SLC7A11: variants seen among roughly 807,000 people sequenced by gnomAD.
SLC7A11 encodes cystine/glutamate transporter.
In SLC7A11, 35 loss-of-function variants were observed where a neutral mutation model predicts 54.5. The ratio of observed to expected loss-of-function variants is 0.64; its 90% CI spans 0.49 to 0.85. The LOEUF (loss-of-function observed/expected upper bound fraction) is 0.85. Ranked by LOEUF, SLC7A11 falls within the 40% of genes least tolerant of loss-of-function variation. The pLI, the probability that SLC7A11 is intolerant of heterozygous loss-of-function variation, is 0.00. For missense variants in SLC7A11, 583 were observed against 618.1 expected, an observed-to-expected ratio of 0.94 and a Z score of 0.60; for synonymous variants, 230 against 225.2, an observed-to-expected ratio of 1.02 and a Z score of -0.19.
chr4:138,237,047 G>A (rs1302105009), intron 1 of SLC7A11, among the ~76,000 whole-genome samples: 3 of 143,926 alleles, frequency 2.1e-5, no homozygotes, highest in South Asian at 2.2e-4. Context: ...GTGCAGTGGC[G>A]CGATCTCGGC....
chr4:138,228,291 CG>C (rs760461735), intron 3 of SLC7A11, among the ~76,000 whole-genome samples: 2 of 151,452 alleles, frequency 1.3e-5, no homozygotes, highest in Non-Finnish European at 2.9e-5. Flanking sequence ...GACTAGATCT[CG>C]TATCTTAAGG....
intron 4 of SLC7A11, among the ~76,000 whole-genome samples, chr4:138,221,534 C>T (rs759428342): frequency 2.6e-4 from 39 of 152,066 alleles, no homozygotes; most frequent in Non-Finnish European, 3.4e-4. Context: ...ACATTAAATG[C>T]GGTAATATTC....
At chr4:138,238,605 T>A (rs1738299554) in intron 1 of SLC7A11, among the ~76,000 whole-genome samples, 1 of 152,034 alleles carries the variant, frequency 6.6e-6, no homozygotes, top group Admixed American at 6.6e-5. Flanking sequence ...ATTTTTTTTT[T>A]TTTTTAATTT....
At chr4:138,214,468 T>C (rs1737631531) in intron 6 of SLC7A11, 117 bp downstream of exon 6, 1 of 495,318 alleles carries the variant, frequency 2.0e-6, no homozygotes, top group Non-Finnish European at 3.7e-6. Context: ...GTGATGATGA[T>C]GACGATGTTA....
chr4:138,233,239 T>G (rs1051601358), intron 2 of SLC7A11, among the ~76,000 whole-genome samples: 1 of 151,150 alleles, frequency 6.6e-6, no homozygotes, highest in Admixed American at 6.6e-5. Flanking sequence ...GGCTGGAGTG[T>G]AGTGGCACGA....
rs777074826 is a variant in SLC7A11, at chr4:138,182,378, C to T, written c.1035G>A (p.Ala345=). 26 of 1,606,940 alleles carry T rather than the reference C, an allele frequency of 1.6e-5. No homozygotes were observed. Among genetic ancestry groups the T allele is most frequent in the Middle Eastern group, 1.7e-4 (1 of 6,054 alleles). The change falls in exon 9 of 12, where the codon GCG becomes GCA. Residue 345 remains alanine (A), a synonymous_variant. Transcript: ENST00000280612. ...TTTCTGGAAGGTGACCCTCTCGAGA[C>T]GCAACATAGAATAACCTGATGGGAG... ...VFAVSRLFYV[A]SREGHLPEIL...
rs141122045 is a variant in SLC7A11, at chr4:138,171,965, A to T, written c.1497T>A (p.Asp499Glu). Residue 499 changes from aspartate (D) to glutamate (E), a missense_variant, in exon 12 of 12, where the codon GAT becomes GAA. Coordinates refer to ENST00000280612, the MANE Select transcript of SLC7A11 (RefSeq NM_014331.4). ...TCTCAAGTCCATTAGTTCATAACTT[A>T]TCTTCTTCTGGTACAACTTCCAGTA... ...QIILEVVPEE[D>E]KL 1.8e-3 allele frequency: 2,820 copies of T among 1,596,336 alleles called. 4 individuals carry two copies. Among genetic ancestry groups the T allele is most frequent in the Non-Finnish European group, 2.3e-3 (2,645 of 1,174,276 alleles).
intron 8 of SLC7A11, among the ~76,000 whole-genome samples, chr4:138,182,721 CAACA>C (rs1736777875): frequency 1.3e-5 from 2 of 151,956 alleles, no homozygotes; most frequent in Admixed American, 1.3e-4. Flanking sequence ...CAATCCAATT[CAACA>C]AACACACACA....
chr4:138,228,758 C>CAAAAAAAAA (rs5862371), intron 3 of SLC7A11, among the ~76,000 whole-genome samples: 13 of 67,768 alleles, frequency 1.9e-4, no homozygotes, highest in African/African-American at 4.2e-4. Context: ...GACTCCGTCT[C>CAAAAAAAAA]AAAAAAAAAA....
chr4:138,201,551 T>C (rs1345215362), intron 6 of SLC7A11, among the ~76,000 whole-genome samples: 1 of 152,118 alleles, frequency 6.6e-6, no homozygotes, highest in Non-Finnish European at 1.5e-5. Flanking sequence ...ATGCTTCAAC[T>C]CTGAGACTGA....
At chr4:138,188,105 C>T (rs1290981763) in intron 6 of SLC7A11, among the ~76,000 whole-genome samples, 1 of 152,026 alleles carries the variant, frequency 6.6e-6, no homozygotes, top group Non-Finnish European at 1.5e-5. Context: ...ACTCTGTCGC[C>T]CAGACTTGAG....
At position 138,209,809 on chromosome 4, in the gene SLC7A11, C is replaced by T. The variant is rs76863492; in HGVS notation, c.791+4776G>A. On this transcript the variant is annotated intron_variant, in intron 6 of 11. Coordinates refer to ENST00000280612, the MANE Select transcript of SLC7A11 (RefSeq NM_014331.4). The stretch of plus-strand genomic sequence containing the variant: ...AAAAGACTCAATCTCATTAAAATGG[C>T]AGTACTGCCCAAAGCAATATACAGG... Among the ~76,000 whole-genome samples the T allele has an allele frequency of 6.7e-3, 1,024 of 152,152 alleles. 9 individuals are homozygous for T. Among genetic ancestry groups the T allele is most frequent in the Non-Finnish European group, 0.011 (781 of 67,962 alleles).
chr4:138,172,152 T>C lies in SLC7A11; in HGVS notation c.1445-135A>G, dbSNP rs551894840. 7.9e-6 allele frequency: 7 copies of C among 882,062 alleles called. No homozygotes were observed. The East Asian group carries it at 1.6e-4, about 20-fold the overall frequency. 54.6% of individuals were successfully genotyped at this position (882,062 alleles called of 1,614,324 possible). ...TTCATAGAGCACTTTCAAGAATTAT[T>C]TACTTCATTAGAATTCTATCATGCT... is the stretch of plus-strand genomic sequence containing the variant. On this transcript the variant is annotated intron_variant, in intron 11 of 11. Transcript: ENST00000280612.
At chr4:138,212,819 T>A (rs1737582800) in intron 6 of SLC7A11, among the ~76,000 whole-genome samples, 1 of 151,980 alleles carries the variant, frequency 6.6e-6, no homozygotes, top group African/African-American at 2.4e-5. Flanking sequence ...CACTGATGAA[T>A]CATATAATAA....
At chr4:138,182,616 AAGAAT>A (rs777829642) in intron 8 of SLC7A11, among the ~76,000 whole-genome samples, 1 of 152,150 alleles carries the variant, frequency 6.6e-6, no homozygotes, top group Non-Finnish European at 1.5e-5. Flanking sequence ...TTTGAAGAGA[AAGAAT>A]AGCAATATCT....
In SLC7A11 at chr4:138,169,033, C is replaced by A. The variant is rs1332955707; in HGVS notation, c.*2923G>T. ...ACAAGTATTTGAGAATCCATCCCCA[C>A]AAAAATTAAAAAATACTATATTAGT... On this transcript the variant is annotated 3_prime_UTR_variant, in exon 12 of 12. Coordinates refer to ENST00000280612, the MANE Select transcript of SLC7A11 (RefSeq NM_014331.4). The A allele has an allele frequency of 6.6e-6, 1 of 151,968 alleles. No individual in the cohort carries two copies. Among genetic ancestry groups the A allele is most frequent in the Non-Finnish European group, 1.5e-5 (1 of 67,962 alleles). 9.4% of individuals were successfully genotyped at this position (151,968 alleles called of 1,614,324 possible).
rs114258972 is a variant in SLC7A11, at chr4:138,231,806, C to A, written c.520+461G>T. ...TCTTAAAAGAAAATTCTTTTCATGA[C>A]CAACAACAGGCAGCTGACATTATAA... On this transcript the variant is annotated intron_variant, in intron 3 of 11. Transcript: ENST00000280612. 5.1e-3 allele frequency among the ~76,000 whole-genome samples: 782 copies of A among 152,118 alleles called. 5 individuals are homozygous for A. The highest frequency in any genetic ancestry group is 0.018 in the African/African-American group (729 of 41,482).
At chr4:138,200,629 C>A (rs1454133372) in intron 6 of SLC7A11, among the ~76,000 whole-genome samples, 2 of 152,086 alleles carry the variant, frequency 1.3e-5, no homozygotes, top group African/African-American at 4.8e-5. Flanking sequence ...AGAAAAGGAT[C>A]AGGATTTTAA....
At chr4:138,224,149 C>G (rs992199828) in intron 3 of SLC7A11, among the ~76,000 whole-genome samples, 1 of 152,110 alleles carries the variant, frequency 6.6e-6, no homozygotes, top group African/African-American at 2.4e-5. Flanking sequence ...GCCCAGGTAA[C>G]TTAATACATT....
Sources: gnomAD v4.1 joint callset for allele counts (sites outside exome capture counted in the v4.1 genomes callset) on GRCh38, gnomAD v4.1.1 for gene constraint, MANE v1.5 for transcripts, NCBI Gene and HGNC (gene_info 2026-07-23, HGNC 2026-07-21) for gene names.